Variants in RNF150 observed in about 807,000 individuals in gnomAD.
RNF150 encodes ring finger protein 150.
A neutral mutation model predicts 39.3 loss-of-function variants in RNF150; 24 were observed. That is an observed-to-expected ratio of 0.61 (90% CI 0.44 to 0.86). The LOEUF (loss-of-function observed/expected upper bound fraction) is 0.86, where lower values mean the gene tolerates loss of function less well. Among genes scored for constraint, RNF150 ranks in the 40% least tolerant of loss-of-function variants. The pLI is 0.00. For missense variants in RNF150, 502 were observed against 587.8 expected (o/e 0.85, Z 1.51); for synonymous variants, 255 against 227.3 (o/e 1.12, Z -1.10).
chr4:141,173,700 G>A (rs948306995), intron 1 of RNF150, among the ~76,000 whole-genome samples: 3 of 152,102 alleles, frequency 2.0e-5, no homozygotes, highest in African/African-American at 7.2e-5. Context: ...CCCTACAGTT[G>A]GTTAAATAGT....
chr4:141,200,902 T>C (rs866938200), intron 1 of RNF150, among the ~76,000 whole-genome samples: 3 of 152,246 alleles, frequency 2.0e-5, no homozygotes, highest in Admixed American at 6.5e-5. Flanking sequence ...TCCAGTACCA[T>C]ATGTATTGGG....
chr4:141,050,762 G>A (rs538494693), intron 1 of RNF150, among the ~76,000 whole-genome samples: 1 of 152,326 alleles, frequency 6.6e-6, no homozygotes, highest in South Asian at 2.1e-4. Flanking sequence ...TACTTTCACT[G>A]GTGGGTGTTG....
chr4:140,888,293 C>T (rs1276252373), intron 6 of RNF150, among the ~76,000 whole-genome samples: 1 of 152,134 alleles, frequency 6.6e-6, no homozygotes, highest in African/African-American at 2.4e-5. Flanking sequence ...GATGTTTTGA[C>T]CCGGAGCCTG....
chr4:141,200,915 TTCCC>T (rs1728279883), intron 1 of RNF150, among the ~76,000 whole-genome samples: 1 of 152,142 alleles, frequency 6.6e-6, no homozygotes, highest in African/African-American at 2.4e-5. Context: ...GTATTGGGAA[TTCCC>T]AATAAATCAG....
At chr4:140,951,187 C>G (rs573050408) in intron 2 of RNF150, among the ~76,000 whole-genome samples, 25 of 152,266 alleles carry the variant, frequency 1.6e-4, no homozygotes, top group African/African-American at 5.8e-4. Flanking sequence ...TGCACTGTCA[C>G]GTTTGACATT....
chr4:140,897,963 C>T (rs1445435646), intron 6 of RNF150, among the ~76,000 whole-genome samples: 2 of 152,156 alleles, frequency 1.3e-5, no homozygotes, highest in African/African-American at 2.4e-5. Flanking sequence ...ACATTATTGT[C>T]AGGGACATAA....
At chr4:140,994,469 GCACACACACACAACACACACACA>G (rs1734295865) in intron 1 of RNF150, among the ~76,000 whole-genome samples, 2 of 150,658 alleles carry the variant, frequency 1.3e-5, no homozygotes, top group Non-Finnish European at 3.0e-5. Flanking sequence ...GTGTGTGCAC[GCACACACACACAACACACACACA>G]CACACACCAC....
chr4:141,206,412 T>A (rs1728374848), intron 1 of RNF150, among the ~76,000 whole-genome samples: 2 of 98,508 alleles, frequency 2.0e-5, no homozygotes, highest in Admixed American at 1.3e-4. Flanking sequence ...ACAATGAGAC[T>A]CAATCTCAAA....
intron 1 of RNF150, among the ~76,000 whole-genome samples, chr4:141,070,469 C>T (rs62327670): frequency 6.8e-5 from 10 of 147,380 alleles, no homozygotes; most frequent in Middle Eastern, 3.4e-3. Context: ...AGAAAATTTT[C>T]GCAACCTACT....
intron 1 of RNF150, among the ~76,000 whole-genome samples, chr4:141,208,486 T>A (rs1728412411): frequency 6.6e-6 from 1 of 152,250 alleles, no homozygotes; most frequent in South Asian, 2.1e-4. Flanking sequence ...AGCTCCATTC[T>A]ACCTGGATGA....
At chr4:140,973,869 C>A (rs1733559579) in intron 1 of RNF150, among the ~76,000 whole-genome samples, 2 of 116,032 alleles carry the variant, frequency 1.7e-5, no homozygotes, top group Admixed American at 2.0e-4. Flanking sequence ...AAGTGAGACT[C>A]TGTTTAAAAA....
At position 141,041,177 on chromosome 4, in the gene RNF150, A is replaced by G. The variant is rs574932244; in HGVS notation, c.485-73304T>C. ...GCTATCCTTGAGATACACAAAGCCT[A>G]GTTAGGGAGAGAAATAAACAAATCA... On this transcript the variant is annotated intron_variant, in intron 1 of 6. Transcript: ENST00000515673. 2.5e-4 allele frequency among the ~76,000 whole-genome samples: 38 copies of G among 152,302 alleles called. No homozygotes were observed. The East Asian group carries it at 3.7e-3, about 15-fold the overall frequency.
intron 1 of RNF150, among the ~76,000 whole-genome samples, chr4:140,995,603 C>A (rs1168057222): frequency 6.6e-6 from 1 of 152,138 alleles, no homozygotes; most frequent in South Asian, 2.1e-4. Context: ...CCTGTTTTAG[C>A]TAATCCTCAA....
intron 1 of RNF150, among the ~76,000 whole-genome samples, chr4:141,148,452 T>C (rs1410447855): frequency 1.3e-5 from 2 of 148,368 alleles, no homozygotes; most frequent in African/African-American, 4.9e-5. Context: ...AGCTTTTCAC[T>C]TTTTTTTTTA....
At chr4:141,095,360 G>T (rs1738733414) in intron 1 of RNF150, among the ~76,000 whole-genome samples, 1 of 152,092 alleles carries the variant, frequency 6.6e-6, no homozygotes, top group African/African-American at 2.4e-5. Flanking sequence ...GTAGAGAAAG[G>T]AATCAGCTGC....
intron 6 of RNF150, among the ~76,000 whole-genome samples, chr4:140,904,537 G>A (rs1560957355): frequency 6.6e-6 from 1 of 152,194 alleles, no homozygotes; most frequent in Non-Finnish European, 1.5e-5. Flanking sequence ...AGCAGACATG[G>A]CTACTCACTC....
At chr4:140,938,996 T>C (rs1731973828) in intron 4 of RNF150, among the ~76,000 whole-genome samples, 1 of 152,208 alleles carries the variant, frequency 6.6e-6, no homozygotes, top group Admixed American at 6.5e-5. Flanking sequence ...AAATAACAAC[T>C]AATTCATTAA....
At chr4:141,079,647 G>T (rs1738074320) in intron 1 of RNF150, among the ~76,000 whole-genome samples, 1 of 152,220 alleles carries the variant, frequency 6.6e-6, no homozygotes, top group South Asian at 2.1e-4. Flanking sequence ...GACAGCAATG[G>T]AAGAATGATT....
intron 6 of RNF150, among the ~76,000 whole-genome samples, chr4:140,898,642 A>G (rs2111244602): frequency 6.6e-6 from 1 of 152,348 alleles, no homozygotes; most frequent in Admixed American, 6.5e-5. Context: ...GCATGCATGT[A>G]TGTGCTTGTG....
Sources: allele counts gnomAD v4.1 joint callset (sites outside exome capture counted in the v4.1 genomes callset), GRCh38; gene constraint gnomAD v4.1.1; transcripts MANE v1.5; gene names NCBI Gene and HGNC (gene_info 2026-07-23, HGNC 2026-07-21).